The following ERCC2 variants were observed in gnomAD, a reference collection of about 807,000 sequenced individuals.
The protein encoded by ERCC2 is ERCC excision repair 2, TFIIH core complex helicase subunit, also known as general transcription and DNA repair factor IIH helicase subunit XPD.
ERCC2 carries 90 observed loss-of-function variants against 99.4 expected under a neutral mutation model. The ratio of observed to expected loss-of-function variants is 0.91; its 90% CI spans 0.76 to 1.08. ERCC2 has a LOEUF of 1.08. Among genes scored for constraint, ERCC2 ranks in the 50% least tolerant of loss-of-function variants. ERCC2 has a pLI of 0.00. For synonymous variants in ERCC2, 497 were observed against 432.4 expected (o/e 1.15, Z -1.85); for missense variants, 993 against 1,038.1 (o/e 0.96, Z 0.60).
chr19:45,366,098 A>G (rs1029869873), intron 5 of ERCC2, among the ~76,000 whole-genome samples: 3 of 151,984 alleles, frequency 2.0e-5, no homozygotes, highest in Non-Finnish European at 4.4e-5. Flanking sequence ...CAGCCTCCCA[A>G]AGTGCTGGGA....
rs1049806083 is a variant in ERCC2, at chr19:45,351,588, C to G, written c.*41G>C. On this transcript the variant is annotated 3_prime_UTR_variant, in exon 23 of 23. Coordinates refer to ENST00000391945, the MANE Select transcript of ERCC2 (RefSeq NM_000400.4). ...CTGGGAACCAGGGCCAGGCAAGACT[C>G]AGGAGTCACCAGGAACCGTTTATGG... The G allele has an allele frequency of 1.2e-6, 2 of 1,611,964 alleles. No homozygotes were observed. Among genetic ancestry groups the G allele is most frequent in the African/African-American group, 2.7e-5 (2 of 75,046 alleles).
At chr19:45,353,031 T>G (rs529609418) in intron 19 of ERCC2, 52 bp downstream of exon 19, 4 of 1,573,344 alleles carry the variant, frequency 2.5e-6, no homozygotes, top group Non-Finnish European at 3.5e-6. Flanking sequence ...CGGGCAGGTG[T>G]TCCAGAGAGC....
chr19:45,357,843 C>G, intron 12 of ERCC2, 144 bp from the exon 13 acceptor site: 1 of 759,742 alleles, frequency 1.3e-6, no homozygotes, highest in Non-Finnish European at 2.3e-6. Flanking sequence ...AACATGACTG[C>G]TTAAGCCCCA....
At chr19:45,356,196 C>T (rs978350388) in intron 15 of ERCC2, among the ~76,000 whole-genome samples, 1 of 152,186 alleles carries the variant, frequency 6.6e-6, no homozygotes, top group South Asian at 2.1e-4. Context: ...GCCATGCCGG[C>T]GGGCATCCCA....
chr19:45,352,865 G>A (rs1254324525), intron 19 of ERCC2, 49 bp from the exon 20 acceptor site: 2 of 1,552,728 alleles, frequency 1.3e-6, no homozygotes, highest in East Asian at 2.2e-5. Context: ...TGTGGCTGGT[G>A]GGACAGGGAC....
Position 45,368,980 on chromosome 19 carries a change from C to A in ERCC2, c.196G>T (p.Glu66Ter), listed in dbSNP as rs761965639. Residue 66 changes from glutamate to a stop codon, truncating the protein, a stop_gained, in exon 4 of 23, where the codon GAG (glutamate) becomes TAG (stop). Transcript: ENST00000391945. LOFTEE classifies it high-confidence loss of function. ...IMAYQRAYPL[E>*]VTKLIYCSRT... ...GAGCAGTAGATGAGTTTGGTCACCT[C>A]CAGCGGATATGCCTGCCGATAACAA... The A allele has an allele frequency of 1.1e-5, 18 of 1,614,220 alleles. No individual in the cohort carries two copies. The highest frequency in any genetic ancestry group is 1.5e-5 in the Non-Finnish European group (18 of 1,180,040).
At position 45,365,187 on chromosome 19, in the gene ERCC2, G is replaced by A. The variant is rs1813257541; in HGVS notation, c.361-29C>T. 3 of 1,573,520 alleles carry A rather than the reference G, an allele frequency of 1.9e-6. 1 individual carries two copies. Among genetic ancestry groups the A allele is most frequent in the Admixed American group, 3.3e-5 (2 of 59,962 alleles). On this transcript the variant is annotated intron_variant, in intron 5 of 22. Transcript: ENST00000391945. ...GGGGTGTGGGGCATCTTAGCACCCA[G>A]ACAGGGTGGAAACCCAACCACTCTT...
chr19:45,355,900 C>T (rs1198847296), intron 15 of ERCC2, among the ~76,000 whole-genome samples, 172 bp from the exon 16 acceptor site: 1 of 151,948 alleles, frequency 6.6e-6, no homozygotes, highest in Non-Finnish European at 1.5e-5. Flanking sequence ...AGTGACCATC[C>T]CGCCTTGGCC....
intron 11 of ERCC2, among the ~76,000 whole-genome samples, chr19:45,362,739 G>T (rs1972268784): frequency 6.6e-6 from 1 of 152,184 alleles, no homozygotes; most frequent in South Asian, 2.1e-4. Flanking sequence ...TCCCCTCTTT[G>T]CCCTCACAAG....
intron 12 of ERCC2, chr19:45,358,564 T>C (rs1431173034): frequency 4.6e-6 from 2 of 437,784 alleles, no homozygotes; most frequent in East Asian, 8.6e-5. Context: ...ATGCCTCCAG[T>C]GGCCTGGTGC....
Position 45,351,155 on chromosome 19 carries a change from A to C in ERCC2, c.*474T>G, listed in dbSNP as rs538810916. The C allele has an allele frequency of 9.9e-5, 158 of 1,592,708 alleles. No individual in the cohort carries two copies. The African/African-American group carries it at 2.1e-3, about 21-fold the overall frequency. ...TCAGAAGAGACCCAGGACAGGAGCAAAGATGGGTTTTACTTGGGGTAGAGG... is the reference window on the plus strand; with the variant it reads ...TCAGAAGAGACCCAGGACAGGAGCACAGATGGGTTTTACTTGGGGTAGAGG... On this transcript the variant is annotated 3_prime_UTR_variant, in exon 23 of 23. Coordinates refer to ENST00000391945, the MANE Select transcript of ERCC2 (RefSeq NM_000400.4).
At chr19:45,367,949 A>G (rs1331581445) in intron 5 of ERCC2, among the ~76,000 whole-genome samples, 4 of 149,878 alleles carry the variant, frequency 2.7e-5, no homozygotes, top group African/African-American at 9.9e-5. Flanking sequence ...CCAGGCTGGA[A>G]TGCAGTGGCA....
intron 11 of ERCC2, among the ~76,000 whole-genome samples, chr19:45,362,424 G>A (rs1341119500): frequency 1.3e-5 from 2 of 152,160 alleles, no homozygotes; most frequent in Admixed American, 6.5e-5. Flanking sequence ...ACATCCCACA[G>A]AGTCCCACGG....
At chr19:45,363,591 C>CCAGGT in intron 11 of ERCC2, 152 bp downstream of exon 11, 2 of 919,656 alleles carry the variant, frequency 2.2e-6, no homozygotes, top group South Asian at 3.5e-5. Flanking sequence ...CCCGGACCTC[C>CCAGGT]CAGGTCAGAC....
chr19:45,364,079 G>A lies in ERCC2; in HGVS notation c.856C>T (p.Arg286Trp), dbSNP rs1489583901. ...TCCCGCAGCCCCTCCACCAGACGCC[G>A]GTACTCGTCCCGCAGGCGCTGCTCG... is the stretch of plus-strand genomic sequence containing the variant. ...TDEQRLRDEY[R>W]RLVEGLREAS... Residue 286 changes from arginine to tryptophan, a missense_variant, in exon 10 of 23, where the codon CGG (arginine) becomes TGG (tryptophan). By Grantham distance (101) the Arg-to-Trp change is moderately radical. Coordinates refer to ENST00000391945, the MANE Select transcript of ERCC2 (RefSeq NM_000400.4). 8 of 1,596,686 alleles carry A rather than the reference G, an allele frequency of 5.0e-6. No homozygotes were observed. The highest frequency in any genetic ancestry group is 2.3e-5 in the East Asian group (1 of 43,980).
chr19:45,351,306 C>A lies in ERCC2; in HGVS notation c.*323G>T, dbSNP rs772729989. On this transcript the variant is annotated 3_prime_UTR_variant, in exon 23 of 23. Coordinates refer to ENST00000391945, the MANE Select transcript of ERCC2 (RefSeq NM_000400.4). ...TCCAGTTTCCCAGCTGGCACCTGGA[C>A]AAGGCCCCTCGGACCCTCAGCGCCA... The A allele has an allele frequency of 2.0e-5, 33 of 1,612,546 alleles. No homozygotes were observed. Among genetic ancestry groups the A allele is most frequent in the Non-Finnish European group, 2.7e-5 (32 of 1,179,996 alleles).
chr19:45,368,590 A>T, intron 5 of ERCC2, 40 bp downstream of exon 5: 1 of 1,369,362 alleles, frequency 7.3e-7, no homozygotes, highest in Non-Finnish European at 1.0e-6. Context: ...AGTTTTCTCT[A>T]CCTCTGGGCT....
intron 17 of ERCC2, among the ~76,000 whole-genome samples, chr19:45,354,054 G>A (rs560186853): frequency 6.6e-6 from 1 of 152,300 alleles, no homozygotes; most frequent in East Asian, 1.9e-4. Flanking sequence ...CTGGCTGTGA[G>A]GATGACGTTC....
intron 12 of ERCC2, among the ~76,000 whole-genome samples, chr19:45,360,338 T>TC (rs1281134855): frequency 6.8e-6 from 1 of 147,680 alleles, no homozygotes; most frequent in Non-Finnish European, 1.5e-5. Flanking sequence ...CGCCTCGGCC[T>TC]CCCAAAGTAC....
Sources: gnomAD v4.1 joint callset for allele counts (sites outside exome capture counted in the v4.1 genomes callset) on GRCh38, gnomAD v4.1.1 for gene constraint, MANE v1.5 for transcripts, NCBI Gene and HGNC (gene_info 2026-07-23, HGNC 2026-07-21) for gene names.